Variants in SH3RF2 observed in about 807,000 individuals in gnomAD.
SH3RF2 encodes the protein SH3 domain containing ring finger 2.
Under a neutral mutation model 59.0 loss-of-function variants are expected in SH3RF2, and 43 were observed. The observed-to-expected ratio is 0.73, with a 90% CI of 0.57 to 0.94. The LOEUF (loss-of-function observed/expected upper bound fraction) is 0.94, where lower values mean the gene tolerates loss of function less well. Ranked by LOEUF, SH3RF2 falls within the 40% of genes least tolerant of loss-of-function variation. The pLI is 0.00. For missense variants in SH3RF2, 930 were observed against 940.1 expected (o/e 0.99, Z 0.14); for synonymous variants, 391 against 391.5 (o/e 1.00, Z 0.01).
chr5:146,000,424 G>A (rs1760363009), intron 3 of SH3RF2, 97 bp downstream of exon 3: 1 of 1,067,740 alleles, frequency 9.4e-7, no homozygotes, highest in South Asian at 2.4e-5. Context: ...TTAAAAAATT[G>A]TATTTTAAAT....
At chr5:146,024,468 G>T (rs1761455237) in intron 5 of SH3RF2, among the ~76,000 whole-genome samples, 1 of 152,054 alleles carries the variant, frequency 6.6e-6, no homozygotes, top group African/African-American at 2.4e-5. Context: ...CTAGATTCAA[G>T]TCCCGTATCA....
chr5:145,940,654 T>C (rs868040609), intron 2 of SH3RF2, among the ~76,000 whole-genome samples: 1 of 152,230 alleles, frequency 6.6e-6, no homozygotes, highest in African/African-American at 2.4e-5. Flanking sequence ...AACATACTTT[T>C]ACTGCCTTAG....
At chr5:145,991,160 T>C (rs949282835) in intron 2 of SH3RF2, among the ~76,000 whole-genome samples, 3 of 152,302 alleles carry the variant, frequency 2.0e-5, no homozygotes, top group East Asian at 3.9e-4. Flanking sequence ...ACAATAAGAA[T>C]GGTAAAAACA....
chr5:146,007,700 C>T (rs1760706611), intron 4 of SH3RF2, among the ~76,000 whole-genome samples: 1 of 152,208 alleles, frequency 6.6e-6, no homozygotes, highest in Non-Finnish European at 1.5e-5. Context: ...AGTTTCCTGA[C>T]ACTTCACCTC....
At chr5:145,941,088 C>A (rs1187325881) in intron 2 of SH3RF2, among the ~76,000 whole-genome samples, 2 of 152,180 alleles carry the variant, frequency 1.3e-5, no homozygotes, top group African/African-American at 4.8e-5. Context: ...TGTCACAGGG[C>A]ACCATTTTGT....
intron 5 of SH3RF2, among the ~76,000 whole-genome samples, chr5:146,042,535 G>A (rs1762164545): frequency 6.6e-6 from 1 of 152,192 alleles, no homozygotes; most frequent in Non-Finnish European, 1.5e-5. Context: ...AAGATCACAG[G>A]TTCTGGTAGA....
At chr5:146,008,122 A>G (rs1040880516) in intron 4 of SH3RF2, among the ~76,000 whole-genome samples, 3 of 152,258 alleles carry the variant, frequency 2.0e-5, no homozygotes, top group East Asian at 1.9e-4. Flanking sequence ...GGCTGAGCCT[A>G]TGCTCATTCT....
At chr5:145,938,831 C>G (rs1338230751) in intron 2 of SH3RF2, among the ~76,000 whole-genome samples, 5 of 152,122 alleles carry the variant, frequency 3.3e-5, no homozygotes, top group African/African-American at 9.7e-5. Flanking sequence ...ATACTTGACG[C>G]GGGAGATAGT....
At chr5:145,964,270 CT>C (rs1047107580) in intron 2 of SH3RF2, among the ~76,000 whole-genome samples, 1 of 115,660 alleles carries the variant, frequency 8.6e-6, no homozygotes, top group African/African-American at 3.1e-5. Flanking sequence ...TCTTTCCCTT[CT>C]TTTCCTTCCT....
At chr5:146,028,163 AACACACACACACACACACACACACAC>A (rs10586561) in intron 5 of SH3RF2, among the ~76,000 whole-genome samples, 1 of 142,308 alleles carries the variant, frequency 7.0e-6, no homozygotes, top group African/African-American at 2.7e-5. Context: ...TGAGGCCTGC[AACACACACACACACACACACACACAC>A]ACACACACAC....
At chr5:146,064,815 A>G (rs868265739), downstream of SH3RF2, among the ~76,000 whole-genome samples, 620 of 12,630 alleles carry the variant, frequency 0.049, 33 homozygotes, top group Admixed American at 0.064. Flanking sequence ...AAGGAAAGAA[A>G]GAAAGAAAGA....
intron 2 of SH3RF2, among the ~76,000 whole-genome samples, chr5:145,965,772 T>A (rs1758834761): frequency 6.6e-6 from 1 of 152,198 alleles, no homozygotes; most frequent in South Asian, 2.1e-4. Flanking sequence ...TCTCATAGAA[T>A]GTGCGGTCTC....
intron 6 of SH3RF2, among the ~76,000 whole-genome samples, chr5:146,048,698 T>C (rs2150014718): frequency 6.6e-6 from 1 of 152,306 alleles, no homozygotes; most frequent in East Asian, 1.9e-4. Context: ...GATTGTTTCC[T>C]GAATGCCTTT....
chr5:145,993,309 C>G (rs1193752579), intron 2 of SH3RF2, among the ~76,000 whole-genome samples: 3 of 152,204 alleles, frequency 2.0e-5, no homozygotes, highest in Non-Finnish European at 2.9e-5. Flanking sequence ...ACAGTGAAAG[C>G]TGTCAGTGGA....
intron 2 of SH3RF2, among the ~76,000 whole-genome samples, chr5:145,983,767 G>T (rs1323209390): frequency 6.6e-6 from 1 of 152,162 alleles, no homozygotes; most frequent in Non-Finnish European, 1.5e-5. Context: ...AGTACAGAGG[G>T]CATGTTGGAA....
chr5:146,070,272 G>A (rs759908560), intron 9 of SH3RF2, among the ~76,000 whole-genome samples: 1 of 152,156 alleles, frequency 6.6e-6, no homozygotes, highest in Non-Finnish European at 1.5e-5. Flanking sequence ...GGAGAGCATG[G>A]ACAAATGAGA....
At chr5:145,991,105 T>C (rs925289612) in intron 2 of SH3RF2, among the ~76,000 whole-genome samples, 1 of 151,798 alleles carries the variant, frequency 6.6e-6, no homozygotes, top group African/African-American at 2.4e-5. Flanking sequence ...CCCAAATGAG[T>C]TTTATGATGG....
rs1758164854 is a variant in SH3RF2 at position 145,950,833 on chromosome 5, A to C, written c.378+12527A>C. Among the ~76,000 whole-genome samples the C allele has an allele frequency of 2.0e-5, 3 of 152,354 alleles. No homozygotes were observed. The South Asian group carries it at 6.2e-4, about 32-fold the overall frequency. ...AACCCATTATGTGCACAGGCAAAAT[A>C]GTTCATTGTAGGTGAGGAAAAATAG... On this transcript the variant is annotated intron_variant, in intron 2 of 9. Coordinates refer to ENST00000359120, the MANE Select transcript of SH3RF2 (RefSeq NM_152550.4).
At chr5:146,011,020 A>G (rs1172922743) in intron 4 of SH3RF2, among the ~76,000 whole-genome samples, 2 of 152,158 alleles carry the variant, frequency 1.3e-5, no homozygotes, top group East Asian at 1.9e-4. Flanking sequence ...TAGGTCTAAC[A>G]TTTAAGTCTC....
Sources: gnomAD v4.1 joint callset for allele counts (sites outside exome capture counted in the v4.1 genomes callset) on GRCh38, gnomAD v4.1.1 for gene constraint, MANE v1.5 for transcripts, NCBI Gene and HGNC (gene_info 2026-07-23, HGNC 2026-07-21) for gene names.